Variants in RGS6 observed in about 807,000 individuals in gnomAD.
RGS6 encodes regulator of G-protein signaling 6.
RGS6 carries 30 observed loss-of-function variants against 78.5 expected under a neutral mutation model. The observed-to-expected ratio is 0.38, with a 90% CI of 0.29 to 0.52. RGS6 has a LOEUF of 0.52. RGS6 is among the 20% of genes least tolerant of loss of function. RGS6 has a pLI of 0.85. For missense variants in RGS6, 495 were observed against 609.7 expected (o/e 0.81, Z 1.98); for synonymous variants, 206 against 206.0 (o/e 1.00, Z 0.00).
chr14:72,456,915 CA>C (rs932252301), intron 4 of RGS6, among the ~76,000 whole-genome samples: 1 of 150,166 alleles, frequency 6.7e-6, no homozygotes, highest in South Asian at 2.1e-4. Flanking sequence ...CTACCTCTAC[CA>C]AAAAAAATAA....
intron 2 of RGS6, among the ~76,000 whole-genome samples, chr14:72,185,483 C>T (rs564444850): frequency 1.3e-5 from 2 of 152,168 alleles, no homozygotes; most frequent in South Asian, 4.2e-4. Flanking sequence ...ATATCCAAGT[C>T]CTCTCAATAA....
At chr14:72,540,145 T>C in intron 17 of RGS6, 51 bp downstream of exon 17, 1 of 1,541,700 alleles carries the variant, frequency 6.5e-7, no homozygotes, top group Non-Finnish European at 8.7e-7. Flanking sequence ...TTTTGGTTTT[T>C]TCTTTCTTCT....
chr14:72,142,966 G>A (rs571957286), intron 2 of RGS6, among the ~76,000 whole-genome samples: 2 of 152,200 alleles, frequency 1.3e-5, no homozygotes, highest in South Asian at 4.2e-4. Flanking sequence ...CAGACTTATA[G>A]CAAAGCTCTT....
In RGS6 at chr14:72,562,778, C is replaced by T. The variant is rs780405176; in HGVS notation, c.*311C>T. On this transcript the variant is annotated 3_prime_UTR_variant, in exon 18 of 18. Coordinates refer to ENST00000553525, the MANE Select transcript of RGS6 (RefSeq NM_001204424.2). The stretch of plus-strand genomic sequence containing the variant: ...CCAGCTCATTCAGGGGAGAACACGT[C>T]GTGGGGTTCCTGTCACGACTATCAC... The T allele has an allele frequency of 6.5e-5, 99 of 1,517,000 alleles. No individual in the cohort carries two copies. In the South Asian group the frequency reaches 9.4e-4, roughly 14 times the overall value. The allele number at this position is 1,517,000 out of a possible 1,614,324, so 94.0% of individuals were successfully genotyped here.
intron 2 of RGS6, among the ~76,000 whole-genome samples, chr14:72,051,175 G>T (rs2153411207): frequency 6.6e-6 from 1 of 152,226 alleles, no homozygotes; most frequent in Admixed American, 6.5e-5. Flanking sequence ...AGCAAAATCT[G>T]CCTGCTTCCA....
intron 2 of RGS6, among the ~76,000 whole-genome samples, chr14:72,325,471 G>GTT (rs71448394): frequency 4.6e-5 from 7 of 151,906 alleles, no homozygotes; most frequent in African/African-American, 1.2e-4. Flanking sequence ...TTCTTCTAGG[G>GTT]TTTTTTTGGT....
intron 2 of RGS6, among the ~76,000 whole-genome samples, chr14:72,051,888 T>G (rs1229256023): frequency 6.6e-6 from 1 of 152,194 alleles, no homozygotes; most frequent in Non-Finnish European, 1.5e-5. Flanking sequence ...TTTATGGACT[T>G]TTATTCTCCT....
chr14:71,942,506 C>G (rs900958641), intron 1 of RGS6, among the ~76,000 whole-genome samples: 2 of 151,708 alleles, frequency 1.3e-5, no homozygotes, highest in Non-Finnish European at 2.9e-5. Context: ...AGATAGGTCC[C>G]AATTTTATGA....
chr14:72,458,672 C>A (rs1033411995), intron 5 of RGS6, among the ~76,000 whole-genome samples: 5 of 152,198 alleles, frequency 3.3e-5, no homozygotes, highest in Non-Finnish European at 7.3e-5. Context: ...AAATTTACTT[C>A]TCATGGTTGT....
intron 2 of RGS6, among the ~76,000 whole-genome samples, chr14:71,973,832 C>A (rs973653146): frequency 2.0e-5 from 3 of 152,138 alleles, no homozygotes; most frequent in Non-Finnish European, 4.4e-5. Context: ...ATTAGACTTG[C>A]TGGAAGAAAA....
At chr14:72,541,750 G>A in intron 17 of RGS6, 1 of 961,826 alleles carries the variant, frequency 1.0e-6, no homozygotes, top group Non-Finnish European at 1.5e-6. Context: ...GCCCCCGGAA[G>A]CTCTTGAGGG....
intron 6 of RGS6, among the ~76,000 whole-genome samples, chr14:72,463,578 T>G (rs2095834741): frequency 6.6e-6 from 1 of 152,266 alleles, no homozygotes; most frequent in Non-Finnish European, 1.5e-5. Flanking sequence ...CTTACCCATT[T>G]GGACATTTCT....
chr14:71,914,065 G>A, the RGS6 span, among the ~76,000 whole-genome samples: 9 of 152,204 alleles, frequency 5.9e-5, no homozygotes, highest in African/African-American at 2.2e-4. Context: ...AGGAAGCACA[G>A]TGTTAGGGCA....
chr14:71,886,667 A>T, the RGS6 span, among the ~76,000 whole-genome samples: 1 of 152,222 alleles, frequency 6.6e-6, no homozygotes, highest in Non-Finnish European at 1.5e-5. Flanking sequence ...CATGTTTGCA[A>T]GGTATATCTT....
intron 2 of RGS6, among the ~76,000 whole-genome samples, chr14:72,214,295 G>A (rs952547726): frequency 3.3e-5 from 5 of 151,072 alleles, no homozygotes; most frequent in African/African-American, 1.2e-4. Flanking sequence ...TCCCACCTCA[G>A]CCTCTTGAGT....
the RGS6 span, among the ~76,000 whole-genome samples, chr14:71,906,346 C>T: frequency 6.6e-6 from 1 of 152,300 alleles, no homozygotes; most frequent in African/African-American, 2.4e-5. Flanking sequence ...CACCTCCTGG[C>T]TCCAGATCCA....
At chr14:72,255,497 A>G (rs847237) in intron 2 of RGS6, among the ~76,000 whole-genome samples, 45,051 of 152,064 alleles carry the variant, frequency 0.3, 7,242 homozygotes, top group South Asian at 0.41. Flanking sequence ...GTCTAGTAAT[A>G]GTGAAGTGAA....
At chr14:72,627,792 C>A in the RGS6 span, among the ~76,000 whole-genome samples, 1 of 151,994 alleles carries the variant, frequency 6.6e-6, no homozygotes, top group Non-Finnish European at 1.5e-5. Flanking sequence ...TCATAGGATG[C>A]CTTTCAATTT....
chr14:72,629,052 C>G, the RGS6 span, among the ~76,000 whole-genome samples: 1 of 152,088 alleles, frequency 6.6e-6, no homozygotes, highest in African/African-American at 2.4e-5. Context: ...TATGAGACAA[C>G]TGAGGAAATA....
Sources: allele counts gnomAD v4.1 joint callset (sites outside exome capture counted in the v4.1 genomes callset), GRCh38; gene constraint gnomAD v4.1.1; transcripts MANE v1.5; gene names NCBI Gene and HGNC (gene_info 2026-07-23, HGNC 2026-07-21).